Variants in SMARCB1 observed in about 807,000 individuals in gnomAD.
SMARCB1 encodes SWI/SNF-related matrix-associated actin-dependent regulator of chromatin subfamily B member 1.
SMARCB1 carries 5 observed loss-of-function variants against 49.0 expected under a neutral mutation model. That is an observed-to-expected ratio of 0.10 (90% CI 0.05 to 0.21). The LOEUF (loss-of-function observed/expected upper bound fraction) is 0.21. SMARCB1 is among the 10% of genes least tolerant of loss of function. The pLI, the probability that SMARCB1 is intolerant of heterozygous loss-of-function variation, is 1.00. For missense variants in SMARCB1, 226 were observed against 509.2 expected, an observed-to-expected ratio of 0.44 and a Z score of 5.35; for synonymous variants, 201 against 200.1, an observed-to-expected ratio of 1.00 and a Z score of -0.04.
At chr22:23,822,517 C>T (rs2030146222) in intron 6 of SMARCB1, among the ~76,000 whole-genome samples, 1 of 152,164 alleles carries the variant, frequency 6.6e-6, no homozygotes, top group Non-Finnish European at 1.5e-5. Context: ...GTAGAGGTCT[C>T]AGCATGGCAG....
intron 5 of SMARCB1, chr22:23,815,340 C>T (rs1332419348): frequency 2.0e-5 from 3 of 152,188 alleles, no homozygotes; most frequent in Non-Finnish European, 4.4e-5. Context: ...CGAGACCATC[C>T]TGGTTAACAT....
chr22:23,819,419 T>A (rs989863659), intron 6 of SMARCB1, among the ~76,000 whole-genome samples: 1 of 151,674 alleles, frequency 6.6e-6, no homozygotes, highest in South Asian at 2.1e-4. Context: ...CACTCCTGCC[T>A]CCCAGGTTCA....
At position 23,831,167 on chromosome 22, in the gene SMARCB1, T is replaced by C. The variant is rs36042222; in HGVS notation, c.987-2405T>C. 4.6e-3 allele frequency among the ~76,000 whole-genome samples: 700 copies of C among 152,286 alleles called. 4 individuals are homozygous for C. The highest frequency in any genetic ancestry group is 0.016 in the African/African-American group (666 of 41,542). The stretch of plus-strand genomic sequence containing the variant: ...CAAACATAAGGGTGACACCAAGTTT[T>C]GGCATCTCCCCTTCCTGGTCGAGTG... On this transcript the variant is annotated intron_variant, in intron 7 of 8. Transcript: ENST00000644036.
In SMARCB1 at chr22:23,825,408, G is replaced by A. The variant is rs1601433577; in HGVS notation, c.979G>A (p.Ala327Thr). Residue 327 changes from alanine (A) to threonine (T), a missense_variant, in exon 7 of 9, where the codon GCC (alanine) becomes ACC (threonine). Ala to Thr is a moderately conservative substitution (Grantham distance 58, BLOSUM62 0). Around this residue, in one of 6 missense-constraint regions of SMARCB1, gnomAD observed 35 missense variants for 107.2 expected, o/e 0.33. Coordinates refer to ENST00000644036, the MANE Select transcript of SMARCB1 (RefSeq NM_003073.5). ...GCTGAGCTGGCATCAGAAGACCTAC[G>A]CCTTCAGGTAGGATCATGCATGAGT... Reference protein sequence around the residue: ...GQLSWHQKTYAFSENPLPTVE... With the variant: ...GQLSWHQKTYTFSENPLPTVE... 1 of 1,613,570 alleles carries A rather than the reference G, an allele frequency of 6.2e-7. No homozygotes were observed. Among genetic ancestry groups the A allele is most frequent in the Non-Finnish European group, 8.5e-7 (1 of 1,179,500 alleles).
intron 6 of SMARCB1, among the ~76,000 whole-genome samples, chr22:23,821,894 A>G (rs2030107000): frequency 6.6e-6 from 1 of 150,480 alleles, no homozygotes; most frequent in Admixed American, 6.6e-5. Context: ...GAGAAAATGG[A>G]GTCTCACTTT....
intron 7 of SMARCB1, among the ~76,000 whole-genome samples, chr22:23,828,784 G>A (rs1169832810): frequency 6.6e-6 from 1 of 152,196 alleles, no homozygotes; most frequent in African/African-American, 2.4e-5. Flanking sequence ...CGGCAGTGGG[G>A]ACATTGATTG....
chr22:23,820,166 T>TA, intron 6 of SMARCB1, among the ~76,000 whole-genome samples: 1 of 152,318 alleles, frequency 6.6e-6, no homozygotes, highest in Admixed American at 6.5e-5. Flanking sequence ...TCAACATTCA[T>TA]AAGGGGTGTA....
intron 3 of SMARCB1, among the ~76,000 whole-genome samples, chr22:23,796,381 C>A (rs568535746): frequency 6.9e-6 from 1 of 145,982 alleles, no homozygotes; most frequent in Non-Finnish European, 1.5e-5. Context: ...TCTGCAGTGA[C>A]CCGAGACGGG....
chr22:23,827,630 C>T (rs562014678), intron 7 of SMARCB1, among the ~76,000 whole-genome samples: 52 of 152,328 alleles, frequency 3.4e-4, no homozygotes, highest in African/African-American at 9.9e-4. Flanking sequence ...AAGGCCATCC[C>T]GCTGGGACCA....
At chr22:23,791,645 G>A (rs1032235116) in intron 1 of SMARCB1, 111 bp from the exon 2 acceptor site, 5 of 1,047,222 alleles carry the variant, frequency 4.8e-6, no homozygotes, top group Non-Finnish European at 7.4e-6. Context: ...GTGGCGCCTG[G>A]GGGCCACCTC....
At chr22:23,832,368 CCTCT>C (rs2030698648) in intron 7 of SMARCB1, among the ~76,000 whole-genome samples, 1 of 152,214 alleles carries the variant, frequency 6.6e-6, no homozygotes, top group Non-Finnish European at 1.5e-5. Context: ...AGGGACCTGT[CCTCT>C]CTATCAGTGT....
In SMARCB1 at chr22:23,837,139, T is replaced by C. The variant is rs554531445; in HGVS notation, c.*2959T>C. On this transcript the variant is annotated 3_prime_UTR_variant, in exon 9 of 9. Transcript: ENST00000644036. ...GACGTCCTCCAGGAAGTAGTAGATA[T>C]GGCCCACCGCAATCCCTGTGAGACA... 59 of 1,613,756 alleles carry C rather than the reference T, an allele frequency of 3.7e-5. No homozygotes were observed. In the South Asian group the frequency reaches 4.9e-4, roughly 14 times the overall value.
At chr22:23,802,831 C>T in intron 4 of SMARCB1, 1 of 304,582 alleles carries the variant, frequency 3.3e-6, no homozygotes, top group Non-Finnish European at 6.4e-6. Flanking sequence ...GCTTCGACAC[C>T]CGCTAGCTTT....
intron 1 of SMARCB1, among the ~76,000 whole-genome samples, 163 bp downstream of exon 1, chr22:23,787,425 C>G (rs1000879582): frequency 2.0e-5 from 3 of 151,678 alleles, no homozygotes; most frequent in African/African-American, 7.3e-5. Context: ...TCGGGTGTGG[C>G]CCCCGCCCCC....
At chr22:23,804,158 T>A (rs577768268) in intron 5 of SMARCB1, 3 of 152,358 alleles carry the variant, frequency 2.0e-5, no homozygotes, top group East Asian at 1.9e-4. Context: ...ATAATGAACA[T>A]ACTATTTATA....
intron 1 of SMARCB1, among the ~76,000 whole-genome samples, chr22:23,787,663 C>T (rs758260984): frequency 1.3e-5 from 2 of 152,138 alleles, no homozygotes; most frequent in Non-Finnish European, 2.9e-5. Flanking sequence ...CCCCGTATTG[C>T]TACTTGTGGG....
intron 5 of SMARCB1, chr22:23,803,817 C>T (rs1929325813): frequency 2.1e-5 from 7 of 339,110 alleles, no homozygotes; most frequent in Non-Finnish European, 3.5e-5. Context: ...CCGTGCCTCT[C>T]TCCTCCTCTA....
intron 6 of SMARCB1, among the ~76,000 whole-genome samples, chr22:23,821,568 G>A (rs2030088549): frequency 6.6e-6 from 1 of 151,840 alleles, no homozygotes; most frequent in Admixed American, 6.6e-5. Flanking sequence ...ATGGAGTCTC[G>A]GCTGGGCACC....
Position 23,836,967 on chromosome 22 carries a change from G to C in SMARCB1, c.*2787G>C, listed in dbSNP as rs2031099081. 1 of 1,601,102 alleles carries C rather than the reference G, an allele frequency of 6.2e-7. No individual in the cohort carries two copies. The highest frequency in any genetic ancestry group is 1.7e-4 in the Middle Eastern group (1 of 5,988). On this transcript the variant is annotated 3_prime_UTR_variant, in exon 9 of 9. Coordinates refer to ENST00000644036, the MANE Select transcript of SMARCB1 (RefSeq NM_003073.5). ...GGGGCATCCAGGAGCAGCTTTCTGT[G>C]GGGAGGGGCCCGTGTTGAGCACAGG...
Sources: gnomAD v4.1 joint callset for allele counts (sites outside exome capture counted in the v4.1 genomes callset) on GRCh38, gnomAD v4.1.1 for gene constraint, gnomAD v4.1.1 regional missense constraint, MANE v1.5 for transcripts, NCBI Gene and HGNC (gene_info 2026-07-23, HGNC 2026-07-21) for gene names.